Variants in ZNF155 observed in about 807,000 individuals in gnomAD.
ZNF155 encodes zinc finger protein 155, also known as KRAB A domain.
ZNF155 carries 15 observed loss-of-function variants against 11.9 expected under a neutral mutation model. That is an observed-to-expected ratio of 1.26 (90% CI 0.84 to 1.94). The LOEUF (loss-of-function observed/expected upper bound fraction) is 1.94. Ranked by LOEUF, ZNF155 falls within the 30% of genes most tolerant of loss-of-function variation. ZNF155 has a pLI of 0.00. For missense variants in ZNF155, 602 were observed against 639.1 expected (o/e 0.94, Z 0.63); for synonymous variants, 212 against 219.9 (o/e 0.96, Z 0.32).
chr19:43,989,497 A>C (rs957425779), intron 2 of ZNF155, among the ~76,000 whole-genome samples: 1 of 152,168 alleles, frequency 6.6e-6, no homozygotes, highest in Non-Finnish European at 1.5e-5. Context: ...CAGGCAACCA[A>C]AGGTCAGGAG....
chr19:43,989,149 A>T (rs1038180256), intron 2 of ZNF155, among the ~76,000 whole-genome samples: 1 of 152,240 alleles, frequency 6.6e-6, no homozygotes, highest in African/African-American at 2.4e-5. Flanking sequence ...TGTTTTGCAG[A>T]TAGAATATTT....
At chr19:43,995,343 T>A (rs912965395) in intron 4 of ZNF155, among the ~76,000 whole-genome samples, 3 of 151,586 alleles carry the variant, frequency 2.0e-5, no homozygotes, top group Admixed American at 6.6e-5. Context: ...TGACCTCAAG[T>A]GATCTGCCCA....
Position 43,991,716 on chromosome 19 carries a change from G to GA in ZNF155, c.142+43dup, listed in dbSNP as rs779891632. On this transcript the variant is annotated intron_variant, in intron 3 of 4. Coordinates refer to ENST00000270014, the MANE Select transcript of ZNF155 (RefSeq NM_198089.3). ...TTTGTGTCTGAACATCAGGCCTCAG[G>GA]AGTGGTTTTGTACCTTAGAGTGTTC... 4 of 1,613,300 alleles carry GA rather than the reference G, an allele frequency of 2.5e-6. No individual in the cohort carries two copies. The South Asian group carries it at 4.4e-5, about 18-fold the overall frequency.
intron 4 of ZNF155, among the ~76,000 whole-genome samples, chr19:43,994,827 G>A (rs1054499182): frequency 6.6e-6 from 1 of 152,146 alleles, no homozygotes; most frequent in East Asian, 1.9e-4. Context: ...TGATTCCTAG[G>A]TGGTTAATCA....
intron 4 of ZNF155, among the ~76,000 whole-genome samples, chr19:43,993,783 A>G (rs188141974): frequency 6.6e-6 from 1 of 152,340 alleles, no homozygotes; most frequent in East Asian, 1.9e-4. Flanking sequence ...ATAGGTACAC[A>G]CTTACCTATA....
intron 1 of ZNF155, among the ~76,000 whole-genome samples, chr19:43,984,714 G>C (rs115642116): frequency 1.3e-5 from 2 of 152,176 alleles, no homozygotes; most frequent in East Asian, 1.9e-4. Flanking sequence ...GTCACTTGGT[G>C]TCCTGTTAAT....
In ZNF155 at chr19:43,997,151, G is replaced by A. The variant is rs914638140; in HGVS notation, c.1294G>A (p.Glu432Lys). Residue 432 changes from glutamate to lysine, a missense_variant, in exon 5 of 5, where the codon GAG (glutamate) becomes AAG (lysine). Glu to Lys is a moderately conservative substitution (Grantham distance 56). Coordinates refer to ENST00000270014, the MANE Select transcript of ZNF155 (RefSeq NM_198089.3). ...TGGTGAAAAGCCATATAAATGTGAG[G>A]AGTGTGGGAAGGGCTATGTTACTAA... ...HSGEKPYKCE[E>K]CGKGYVTKFN... The A allele has an allele frequency of 1.9e-5, 30 of 1,614,060 alleles. No individual in the cohort carries two copies. The highest frequency in any genetic ancestry group is 6.7e-5 in the Admixed American group (4 of 60,004).
At chr19:43,995,303 G>C (rs771908440) in intron 4 of ZNF155, among the ~76,000 whole-genome samples, 1 of 151,752 alleles carries the variant, frequency 6.6e-6, no homozygotes, top group Non-Finnish European at 1.5e-5. Context: ...GCAGAGACGG[G>C]GTTTCAAGGC....
At chr19:43,985,958 T>C (rs1288438486) in intron 1 of ZNF155, among the ~76,000 whole-genome samples, 1 of 152,138 alleles carries the variant, frequency 6.6e-6, no homozygotes, top group Non-Finnish European at 1.5e-5. Flanking sequence ...GATCATCCCT[T>C]GGATACATTT....
intron 2 of ZNF155, among the ~76,000 whole-genome samples, chr19:43,989,419 G>A (rs1425645678): frequency 3.2e-5 from 4 of 126,462 alleles, no homozygotes; most frequent in Non-Finnish European, 4.8e-5. Flanking sequence ...TCAGCGCAGC[G>A]GAATGAGGTT....
At chr19:43,995,261 G>A (rs1377136543) in intron 4 of ZNF155, among the ~76,000 whole-genome samples, 3 of 151,920 alleles carry the variant, frequency 2.0e-5, no homozygotes, top group African/African-American at 7.3e-5. Flanking sequence ...ACAGGCATGT[G>A]CCACCACACG....
intron 2 of ZNF155, among the ~76,000 whole-genome samples, chr19:43,989,227 G>C (rs913256131): frequency 6.6e-6 from 1 of 152,220 alleles, no homozygotes; most frequent in Non-Finnish European, 1.5e-5. Context: ...TTTCACACTG[G>C]AAGAGCTAGA....
At chr19:43,990,939 G>A (rs928639339) in intron 2 of ZNF155, among the ~76,000 whole-genome samples, 13 of 152,126 alleles carry the variant, frequency 8.5e-5, no homozygotes. Flanking sequence ...GCCCACCCGA[G>A]GTTATATACC....
In ZNF155 at chr19:43,996,237, A is replaced by T. The variant is rs1335664159; in HGVS notation, c.380A>T (p.Asn127Ile). Residue 127 changes from asparagine (N) to isoleucine (I), a missense_variant, in exon 5 of 5, where the codon AAT becomes ATT. Asn to Ile is a moderately radical substitution (Grantham distance 149, BLOSUM62 -3). Coordinates refer to ENST00000270014, the MANE Select transcript of ZNF155 (RefSeq NM_198089.3). ...SIINNSQFFE[N>I]GDVPSQVEAG... The stretch of plus-strand genomic sequence containing the variant: ...ATAAATAACTCTCAGTTCTTTGAAA[A>T]TGGTGATGTCCCCTCCCAGGTTGAA... 1.1e-5 allele frequency: 17 copies of T among 1,614,196 alleles called. No homozygotes were observed. Among genetic ancestry groups the T allele is most frequent in the Non-Finnish European group, 1.4e-5 (16 of 1,180,018 alleles).
At chr19:43,993,312 G>T (rs548439098) in intron 4 of ZNF155, among the ~76,000 whole-genome samples, 2 of 152,178 alleles carry the variant, frequency 1.3e-5, no homozygotes, top group Non-Finnish European at 2.9e-5. Context: ...ATTTAGTGCT[G>T]TATTTTGAAC....
At position 43,989,809 on chromosome 19, in the gene ZNF155, G is replaced by GA. The variant is rs762701593; in HGVS notation, c.15+1254dup. ...CCAGAAGAAATAATGACCTGGGGCAGAAATGTTAGCCACGTGGATACCTAA... is the reference window on the plus strand; with the variant it reads ...CCAGAAGAAATAATGACCTGGGGCAGAAAATGTTAGCCACGTGGATACCTAA... On this transcript the variant is annotated intron_variant, in intron 2 of 4. Transcript: ENST00000270014. 1.5e-4 allele frequency among the ~76,000 whole-genome samples: 23 copies of GA among 152,136 alleles called. 1 individual carries two copies. Among genetic ancestry groups the GA allele is most frequent in the African/African-American group, 5.1e-4 (21 of 41,414 alleles).
chr19:43,996,679 G>A lies in ZNF155; in HGVS notation c.822G>A (p.Gln274=). ...GGAAGGCCTTCATTCATGATTCCCA[G>A]CTTAAGGAACATAAGAGAATCCATA... ...ACGKAFIHDS[Q]LKEHKRIHTG... is the part of the protein sequence containing the mutation. Residue 274 remains glutamine, a synonymous_variant, in exon 5 of 5, where the codon CAG becomes CAA. Coordinates refer to ENST00000270014, the MANE Select transcript of ZNF155 (RefSeq NM_198089.3). The A allele has an allele frequency of 6.2e-7, 1 of 1,613,700 alleles. No individual in the cohort carries two copies. The highest frequency in any genetic ancestry group is 8.5e-7 in the Non-Finnish European group (1 of 1,179,910).
intron 4 of ZNF155, 55 bp downstream of exon 4, chr19:43,991,989 T>G (rs1975683385): frequency 6.6e-7 from 1 of 1,506,422 alleles, no homozygotes; most frequent in Admixed American, 1.8e-5. Context: ...CTGTTGTGCT[T>G]CTGTCCATGC....
chr19:43,988,566 G>A lies in ZNF155; in HGVS notation c.15+8G>A, dbSNP rs1486762988. The A allele has an allele frequency of 6.2e-7, 1 of 1,600,250 alleles. No homozygotes were observed. The highest frequency in any genetic ancestry group is 1.7e-5 in the Admixed American group (1 of 59,584). ...AAAATGACCACATTCAAGGTGAGGGGGGCGTGCCTCTCTCGCTGTTAAAAT... is the reference window on the plus strand; with the variant it reads ...AAAATGACCACATTCAAGGTGAGGGAGGCGTGCCTCTCTCGCTGTTAAAAT... On this transcript the variant is annotated splice_region_variant and intron_variant, in intron 2 of 4. Transcript: ENST00000270014.
Sources: gnomAD v4.1 joint callset for allele counts (sites outside exome capture counted in the v4.1 genomes callset) on GRCh38, gnomAD v4.1.1 for gene constraint, MANE v1.5 for transcripts, NCBI Gene and HGNC (gene_info 2026-07-23, HGNC 2026-07-21) for gene names.